SMTNL2: variants seen among roughly 807,000 people sequenced by gnomAD.
SMTNL2 encodes the protein smoothelin like 2.
In SMTNL2, 43 loss-of-function variants were observed where a neutral mutation model predicts 44.1. That is an observed-to-expected ratio of 0.98 (90% CI 0.76 to 1.26). The LOEUF is 1.26. Among genes scored for constraint, SMTNL2 ranks in the 50% most tolerant of loss-of-function variants. SMTNL2 has a pLI of 0.00. For missense variants in SMTNL2, 646 were observed against 670.2 expected (o/e 0.96, Z 0.40); for synonymous variants, 317 against 287.6 (o/e 1.10, Z -1.03).
intron 1 of SMTNL2, among the ~76,000 whole-genome samples, chr17:4,586,539 A>C (rs531319015): frequency 1.3e-4 from 18 of 134,814 alleles, no homozygotes; most frequent in African/African-American, 4.6e-4. Context: ...AGAGAGAGAG[A>C]GGGAATTCTC....
intron 7 of SMTNL2, among the ~76,000 whole-genome samples, chr17:4,603,992 A>C (rs530593409): frequency 8.5e-5 from 13 of 152,116 alleles, no homozygotes; most frequent in East Asian, 3.9e-4. Context: ...CTGCAGGCAT[A>C]CGCCACCACA....
chr17:4,603,612 T>C (rs1040873082), intron 7 of SMTNL2, among the ~76,000 whole-genome samples: 9 of 152,036 alleles, frequency 5.9e-5, no homozygotes, highest in African/African-American at 2.2e-4. Flanking sequence ...CCTAGAGTCC[T>C]CATGCTGTCC....
At chr17:4,588,885 G>C (rs1909449112) in intron 1 of SMTNL2, among the ~76,000 whole-genome samples, 1 of 152,228 alleles carries the variant, frequency 6.6e-6, no homozygotes, top group Non-Finnish European at 1.5e-5. Context: ...GTGGGGTTTA[G>C]GGGTTCCCCC....
chr17:4,604,308 T>C (rs1207323690), intron 7 of SMTNL2, among the ~76,000 whole-genome samples: 1 of 152,118 alleles, frequency 6.6e-6, no homozygotes, highest in African/African-American at 2.4e-5. Flanking sequence ...ACAAAGCCTG[T>C]TGGATTCACT....
Position 4,607,660 on chromosome 17 carries a change from G to A in SMTNL2, c.*173G>A. 9.3e-7 allele frequency: 1 copy of A among 1,078,378 alleles called. No individual in the cohort carries two copies. The highest frequency in any genetic ancestry group is 1.3e-6 in the Non-Finnish European group (1 of 772,096). The allele number at this position is 1,078,378 out of a possible 1,614,324, so 66.8% of individuals were successfully genotyped here. Reference sequence around the variant, plus strand: ...AGCCCAGCTGTGTTACTGATTAAAAGTACTGCTGAGCTGTGGTCCGACAGC... The same window carrying A: ...AGCCCAGCTGTGTTACTGATTAAAAATACTGCTGAGCTGTGGTCCGACAGC... On this transcript the variant is annotated 3_prime_UTR_variant, in exon 8 of 8. Transcript: ENST00000389313. This position sits in a 1 kb window ranked among gnomAD's most constrained non-coding sequence, Gnocchi z 4.7.
chr17:4,593,565 G>A (rs1909673880), intron 3 of SMTNL2, among the ~76,000 whole-genome samples: 1 of 152,252 alleles, frequency 6.6e-6, no homozygotes, highest in South Asian at 2.1e-4. Flanking sequence ...TGGATACATG[G>A]CACGGGCCCT....
intron 1 of SMTNL2, among the ~76,000 whole-genome samples, chr17:4,588,493 C>CG (rs1909435099): frequency 6.6e-6 from 1 of 152,182 alleles, no homozygotes; most frequent in Non-Finnish European, 1.5e-5. Context: ...ATTTCTGCCC[C>CG]GGTCCCAGCA....
At chr17:4,605,747 T>A (rs1011806903) in intron 7 of SMTNL2, among the ~76,000 whole-genome samples, 1 of 152,126 alleles carries the variant, frequency 6.6e-6, no homozygotes, top group African/African-American at 2.4e-5. Flanking sequence ...GCACTGACAA[T>A]CGGGCCAAGT....
intron 1 of SMTNL2, among the ~76,000 whole-genome samples, chr17:4,589,439 G>C (rs1909474641): frequency 6.6e-6 from 1 of 152,120 alleles, no homozygotes; most frequent in South Asian, 2.1e-4. Context: ...CTGCCGACAT[G>C]GTCTACACGG....
chr17:4,591,148 C>T (rs978197133), intron 1 of SMTNL2, among the ~76,000 whole-genome samples: 1 of 152,212 alleles, frequency 6.6e-6, no homozygotes, highest in Non-Finnish European at 1.5e-5. Flanking sequence ...CCTGACACGG[C>T]CCCCTCTGTT....
Position 4,607,493 on chromosome 17 carries a change from C to G in SMTNL2, c.*6C>G. 2 of 1,613,632 alleles carry G rather than the reference C, an allele frequency of 1.2e-6. No homozygotes were observed. Among genetic ancestry groups the G allele is most frequent in the Admixed American group, 1.7e-5 (1 of 60,002 alleles). The stretch of plus-strand genomic sequence containing the variant: ...ACCTGCGTCGCTTCGAGTAAAGCCC[C>G]TGAGCCTGGATTGCCAAAGAGCAGC... On this transcript the variant is annotated 3_prime_UTR_variant, in exon 8 of 8. Coordinates refer to ENST00000389313, the MANE Select transcript of SMTNL2 (RefSeq NM_001114974.2). This position sits in a 1 kb window ranked among gnomAD's most constrained non-coding sequence, Gnocchi z 4.7.
At chr17:4,594,618 G>A (rs560197423) in intron 4 of SMTNL2, among the ~76,000 whole-genome samples, 1 of 152,088 alleles carries the variant, frequency 6.6e-6, no homozygotes, top group African/African-American at 2.4e-5. Flanking sequence ...GCGAGCAGGG[G>A]CAGGTGAGCA....
At position 4,592,504 on chromosome 17, in the gene SMTNL2, C is replaced by T; in HGVS notation, c.487+56C>T. 1 of 1,530,374 alleles carries T rather than the reference C, an allele frequency of 6.5e-7. No homozygotes were observed. The highest frequency in any genetic ancestry group is 8.9e-7 in the Non-Finnish European group (1 of 1,122,018). 94.8% of individuals were successfully genotyped at this position (1,530,374 alleles called of 1,614,324 possible). On this transcript the variant is annotated intron_variant, in intron 2 of 7. Coordinates refer to ENST00000389313, the MANE Select transcript of SMTNL2 (RefSeq NM_001114974.2). The surrounding 1 kb of genome is among the most constrained non-coding windows in gnomAD (Gnocchi z 4.5). ...GGTAGGTTTGGGGGTTAAGTAAGGC[C>T]TTGGTCAGGTATCTGTGCCAGGCTG...
At chr17:4,597,025 T>C (rs1045273982) in intron 6 of SMTNL2, 48 bp downstream of exon 6, 9 of 1,479,746 alleles carry the variant, frequency 6.1e-6, no homozygotes. Flanking sequence ...AGCTAAAAGC[T>C]TGACCAAGCG....
Position 4,591,147 on chromosome 17 carries a change from G to A in SMTNL2, c.400-1214G>A, listed in dbSNP as rs370687432. Among the ~76,000 whole-genome samples, 18 of 152,238 alleles carry A rather than the reference G, an allele frequency of 1.2e-4. No homozygotes were observed. The East Asian group carries it at 1.9e-3, about 16-fold the overall frequency. Reference sequence around the variant, plus strand: ...TGTGAGGCATCCTTATCCTGACACGGCCCCCTCTGTTCACCAGCCTGGCTC... The same window carrying A: ...TGTGAGGCATCCTTATCCTGACACGACCCCCTCTGTTCACCAGCCTGGCTC... On this transcript the variant is annotated intron_variant, in intron 1 of 7. Coordinates refer to ENST00000389313, the MANE Select transcript of SMTNL2 (RefSeq NM_001114974.2).
intron 4 of SMTNL2, 159 bp from the exon 5 acceptor site, chr17:4,594,986 G>A: frequency 1.0e-6 from 1 of 971,120 alleles, no homozygotes; most frequent in Admixed American, 2.3e-5. Flanking sequence ...CAGAAAACCT[G>A]TCAAACCAGC....
Position 4,598,345 on chromosome 17 carries a change from C to T in SMTNL2, c.1259+1022C>T, listed in dbSNP as rs7222417. Among the ~76,000 whole-genome samples, 4,456 of 152,224 alleles carry T rather than the reference C, an allele frequency of 0.029. 232 individuals are homozygous for T. Among genetic ancestry groups the T allele is most frequent in the African/African-American group, 0.1 (4,190 of 41,502 alleles). ...GAGCAGGGCACAGATGAGTGGTGTT[C>T]GGGGCTGCCCAATGCTAAGCTCTCT... is the stretch of plus-strand genomic sequence containing the variant. On this transcript the variant is annotated intron_variant, in intron 7 of 7. Transcript: ENST00000389313. This position sits in a 1 kb window ranked among gnomAD's most constrained non-coding sequence, Gnocchi z 4.8.
chr17:4,589,938 C>CTTTTTTTTTTTTTTT (rs780984262), intron 1 of SMTNL2, among the ~76,000 whole-genome samples: 1 of 59,792 alleles, frequency 1.7e-5, no homozygotes, highest in Non-Finnish European at 3.0e-5. Context: ...ACGCACCTGG[C>CTTTTTTTTTTTTTTT]TTTTTTTTTT....
chr17:4,584,878 C>A lies in SMTNL2; in HGVS notation c.273C>A (p.Ser91=). Residue 91 remains serine (S), a synonymous_variant, in exon 1 of 8, where the codon TCC becomes TCA. Coordinates refer to ENST00000389313, the MANE Select transcript of SMTNL2 (RefSeq NM_001114974.2). ...VEALGLASGM[S]PVPGTPGTPS... is the part of the protein sequence containing the mutation. ...CGCTGGGCTTGGCCAGCGGGATGTCCCCGGTGCCCGGCACTCCCGGCACGC... is the reference window on the plus strand; with the variant it reads ...CGCTGGGCTTGGCCAGCGGGATGTCACCGGTGCCCGGCACTCCCGGCACGC... 7.6e-7 allele frequency: 1 copy of A among 1,307,538 alleles called. No homozygotes were observed. Among genetic ancestry groups the A allele is most frequent in the Non-Finnish European group, 9.7e-7 (1 of 1,031,256 alleles). 81.0% of individuals were successfully genotyped at this position (1,307,538 alleles called of 1,614,324 possible).
Sources: gnomAD v4.1 joint callset for allele counts (sites outside exome capture counted in the v4.1 genomes callset) on GRCh38, gnomAD v4.1.1 for gene constraint, Gnocchi (gnomAD v3.1) non-coding constraint, MANE v1.5 for transcripts, NCBI Gene and HGNC (gene_info 2026-07-23, HGNC 2026-07-21) for gene names.